Variants in LRRC69 observed in about 807,000 individuals in gnomAD.
LRRC69 encodes the protein leucine rich repeat containing 69.
Under a neutral mutation model 37.8 loss-of-function variants are expected in LRRC69, and 42 were observed. The observed-to-expected ratio is 1.11, with a 90% CI of 0.87 to 1.44. LRRC69 has a LOEUF of 1.44. LRRC69 is among the 40% of genes most tolerant of loss of function. The pLI, the probability that LRRC69 is intolerant of heterozygous loss-of-function variation, is 0.00. For missense variants in LRRC69, 357 were observed against 401.9 expected (o/e 0.89, Z 0.96); for synonymous variants, 141 against 143.1 (o/e 0.99, Z 0.11).
chr8:91,168,448 CT>C (rs1161544728), intron 5 of LRRC69, among the ~76,000 whole-genome samples: 2 of 151,854 alleles, frequency 1.3e-5, no homozygotes, highest in African/African-American at 4.8e-5. Flanking sequence ...AAATGGAAAT[CT>C]TTTGGGTGGG....
At chr8:91,193,060 A>C (rs1163981222) in intron 6 of LRRC69, among the ~76,000 whole-genome samples, 2 of 148,258 alleles carry the variant, frequency 1.3e-5, no homozygotes, top group Non-Finnish European at 3.0e-5. Context: ...TCAGCTTTCT[A>C]CATATGGCTA....
intron 5 of LRRC69, among the ~76,000 whole-genome samples, chr8:91,153,249 C>T (rs1016071965): frequency 7.3e-5 from 11 of 151,366 alleles, no homozygotes; most frequent in African/African-American, 7.3e-5. Context: ...GAGACTTAGA[C>T]TCCCACACAA....
intron 1 of LRRC69, among the ~76,000 whole-genome samples, chr8:91,105,080 A>T (rs1360532863): frequency 6.6e-6 from 1 of 151,936 alleles, no homozygotes; most frequent in Non-Finnish European, 1.5e-5. Flanking sequence ...CTTACTTTTA[A>T]AGAAGAAATT....
At chr8:91,215,541 GTGTT>G (rs1370620326) in intron 7 of LRRC69, among the ~76,000 whole-genome samples, 2 of 152,134 alleles carry the variant, frequency 1.3e-5, no homozygotes, top group East Asian at 1.9e-4. Flanking sequence ...ATATAATCAT[GTGTT>G]TGTTTGCTTT....
At chr8:91,186,731 C>A (rs751487179) in intron 5 of LRRC69, among the ~76,000 whole-genome samples, 4 of 152,074 alleles carry the variant, frequency 2.6e-5, no homozygotes, top group Non-Finnish European at 5.9e-5. Flanking sequence ...CAACAACTCA[C>A]ATAAGACAAA....
At chr8:91,178,656 G>C (rs184306077) in intron 5 of LRRC69, among the ~76,000 whole-genome samples, 1 of 152,306 alleles carries the variant, frequency 6.6e-6, no homozygotes, top group East Asian at 1.9e-4. Flanking sequence ...ATCCTCTGAT[G>C]TAAGTCTTTA....
intron 5 of LRRC69, among the ~76,000 whole-genome samples, chr8:91,183,735 A>G (rs1031612722): frequency 6.6e-6 from 1 of 152,206 alleles, no homozygotes; most frequent in Non-Finnish European, 1.5e-5. Flanking sequence ...GAGCATGTTA[A>G]CTAGGTTGGA....
chr8:91,195,459 T>C (rs1272004137), intron 6 of LRRC69, among the ~76,000 whole-genome samples: 1 of 151,908 alleles, frequency 6.6e-6, no homozygotes, highest in African/African-American at 2.4e-5. Context: ...AAGTCTCCCA[T>C]TATTAATGTG....
In LRRC69 at chr8:91,194,213, G is replaced by A. The variant is rs868595807; in HGVS notation, c.753+4590G>A. Among the ~76,000 whole-genome samples, 1,383 of 143,538 alleles carry A rather than the reference G, an allele frequency of 9.6e-3. 20 individuals carry two copies. Among genetic ancestry groups the A allele is most frequent in the African/African-American group, 0.034 (1,282 of 37,492 alleles). The allele number at this position is 143,538 out of a possible 152,430, so 94.2% of individuals were successfully genotyped here. The stretch of plus-strand genomic sequence containing the variant: ...GGATGAAGCCCACTTGATCATGGGG[G>A]ATAAGCTTTTTGATGTGCTGCTGGA... On this transcript the variant is annotated intron_variant, in intron 6 of 7. Coordinates refer to ENST00000448384, the Ensembl canonical transcript of LRRC69.
intron 7 of LRRC69, among the ~76,000 whole-genome samples, chr8:91,216,633 G>A (rs1414809187): frequency 6.6e-6 from 1 of 152,096 alleles, no homozygotes; most frequent in Non-Finnish European, 1.5e-5. Flanking sequence ...CGGTTGTCTA[G>A]TATATGGAAA....
rs1809890358 is a variant in LRRC69, at chr8:91,210,530, C to T, written c.934-8360C>T. Among the ~76,000 whole-genome samples the T allele has an allele frequency of 2.0e-5, 3 of 147,948 alleles. No individual in the cohort carries two copies. The South Asian group carries it at 6.6e-4, about 32-fold the overall frequency. ...AGGTCAGATAGATAGAACTTTCTTA[C>T]AGGATTTTAAACACAGACACACACA... On this transcript the variant is annotated intron_variant, in intron 7 of 7. Transcript: ENST00000448384.
intron 5 of LRRC69, among the ~76,000 whole-genome samples, chr8:91,170,046 G>A (rs1809100231): frequency 8.8e-6 from 1 of 113,878 alleles, no homozygotes. Context: ...CCCAGTAATG[G>A]GATGGCTGGG....
chr8:91,173,746 T>G (rs1433664156), intron 5 of LRRC69, among the ~76,000 whole-genome samples: 1 of 152,078 alleles, frequency 6.6e-6, no homozygotes, highest in Non-Finnish European at 1.5e-5. Context: ...GCTTCAAAGA[T>G]AGTACCTTCT....
chr8:91,187,997 G>A (rs889600740), intron 5 of LRRC69, among the ~76,000 whole-genome samples: 24 of 151,722 alleles, frequency 1.6e-4, no homozygotes, highest in African/African-American at 5.6e-4. Flanking sequence ...GACAAAAAAG[G>A]AAAGAATGGT....
chr8:91,192,555 G>T (rs550868055), intron 6 of LRRC69, among the ~76,000 whole-genome samples: 7 of 151,296 alleles, frequency 4.6e-5, no homozygotes, highest in Admixed American at 1.3e-4. Context: ...GTGTGAGATG[G>T]TATCTCATTG....
chr8:91,190,869 A>G (rs191524704), intron 6 of LRRC69, among the ~76,000 whole-genome samples: 103 of 152,270 alleles, frequency 6.8e-4, no homozygotes, highest in African/African-American at 2.4e-3. Context: ...AGCCTGGCCA[A>G]CAGAGTGAGA....
At chr8:91,104,141 G>A (rs1456702060) in intron 1 of LRRC69, among the ~76,000 whole-genome samples, 2 of 151,960 alleles carry the variant, frequency 1.3e-5, no homozygotes, top group Admixed American at 1.3e-4. Context: ...CTGGAATCAG[G>A]GGATTAGGTC....
chr8:91,176,134 A>ATATATATATATTTTTTTTTTTTT, intron 5 of LRRC69, among the ~76,000 whole-genome samples: 16 of 75,692 alleles, frequency 2.1e-4, no homozygotes, highest in African/African-American at 9.7e-4. Context: ...ATATATATAT[A>ATATATATATATTTTTTTTTTTTT]TTTTTTTTTT....
At chr8:91,106,968 ATTTT>A (rs764290838) in intron 1 of LRRC69, among the ~76,000 whole-genome samples, 1 of 136,858 alleles carries the variant, frequency 7.3e-6, no homozygotes, top group African/African-American at 2.6e-5. Flanking sequence ...AATTAAAAAA[ATTTT>A]TTTTTTTTGT....
Sources: allele counts gnomAD v4.1 joint callset (sites outside exome capture counted in the v4.1 genomes callset), GRCh38; gene constraint gnomAD v4.1.1; transcripts MANE v1.5; gene names NCBI Gene and HGNC (gene_info 2026-07-23, HGNC 2026-07-21).